The following COMT variants were observed in gnomAD, a reference collection of about 807,000 sequenced individuals.
COMT encodes catechol O-methyltransferase.
In COMT, 13 loss-of-function variants were observed where a neutral mutation model predicts 18.9. The observed-to-expected ratio is 0.69, with a 90% CI of 0.45 to 1.09. The LOEUF is 1.09. Ranked by LOEUF, COMT falls within the 50% of genes least tolerant of loss-of-function variation. The pLI, the probability that COMT is intolerant of heterozygous loss-of-function variation, is 0.00. For missense variants in COMT, 329 were observed against 361.8 expected, an observed-to-expected ratio of 0.91 and a Z score of 0.73; for synonymous variants, 150 against 160.9, an observed-to-expected ratio of 0.93 and a Z score of 0.51.
chr22:19,941,835 C>T lies in COMT; in HGVS notation c.-154C>T, dbSNP rs772548253. The T allele has an allele frequency of 1.4e-5, 21 of 1,495,536 alleles. No individual in the cohort carries two copies. In the East Asian group the frequency reaches 5.3e-4, roughly 38 times the overall value. 92.6% of individuals were successfully genotyped at this position (1,495,536 alleles called of 1,614,324 possible). On this transcript the variant is annotated 5_prime_UTR_variant, in exon 1 of 6. Transcript: ENST00000361682. ...GGGGCTTCTGGGGCAGCTAGGGCTG[C>T]CCGCCGCGCTGCCTGCGCCGGACCG... is the stretch of plus-strand genomic sequence containing the variant.
rs1241609732 is a variant in COMT, at chr22:19,952,658, AC to A, written c.-91-8540del. ...CGTCTCAAAACAAAACAAAACAACA[AC>A]AAAAAAAAAACAGCCGAGCGCAGTG... On this transcript the variant is annotated intron_variant, in intron 1 of 5. Coordinates refer to ENST00000361682, the MANE Select transcript of COMT (RefSeq NM_000754.4). Among the ~76,000 whole-genome samples, 13 of 143,196 alleles carry A rather than the reference AC, an allele frequency of 9.1e-5. No homozygotes were observed. In the East Asian group the frequency reaches 2.0e-3, roughly 22 times the overall value. The allele number at this position is 143,196 out of a possible 152,430, so 93.9% of individuals were successfully genotyped here.
chr22:19,950,138 T>C (rs1017746632), intron 1 of COMT, among the ~76,000 whole-genome samples: 2 of 152,036 alleles, frequency 1.3e-5, no homozygotes, highest in African/African-American at 4.8e-5. Flanking sequence ...GCCAATATAT[T>C]ATCAAACGCA....
intron 1 of COMT, among the ~76,000 whole-genome samples, chr22:19,951,819 C>T (rs1026547894): frequency 2.0e-5 from 3 of 152,208 alleles, no homozygotes; most frequent in Non-Finnish European, 4.4e-5. Context: ...GAGGGTTAGC[C>T]TTGGGAAACC....
intron 5 of COMT, chr22:19,967,477 A>G: frequency 2.3e-6 from 1 of 442,766 alleles, no homozygotes; most frequent in South Asian, 1.7e-5. Context: ...CTGTCCCCTG[A>G]CCTCACTGAC....
intron 5 of COMT, among the ~76,000 whole-genome samples, chr22:19,968,261 AT>A (rs1942532341): frequency 6.6e-6 from 1 of 152,140 alleles, no homozygotes; most frequent in Admixed American, 6.5e-5. Flanking sequence ...TGTGTGCCAC[AT>A]GCTGTTCTAA....
chr22:19,947,223 A>G (rs562797276), intron 1 of COMT, among the ~76,000 whole-genome samples: 7 of 151,460 alleles, frequency 4.6e-5, no homozygotes, highest in Admixed American at 1.3e-4. Flanking sequence ...GCCCTAAATA[A>G]CATTTTTTAT....
chr22:19,952,601 T>C (rs1463003701), intron 1 of COMT, among the ~76,000 whole-genome samples: 1 of 150,578 alleles, frequency 6.6e-6, no homozygotes, highest in Non-Finnish European at 1.5e-5. Context: ...ATTGCGCCAC[T>C]GCACTCTAGC....
chr22:19,964,204 C>A lies in COMT; in HGVS notation c.520C>A (p.Pro174Thr). 1 of 1,614,114 alleles carries A rather than the reference C, an allele frequency of 6.2e-7. No homozygotes were observed. The highest frequency in any genetic ancestry group is 8.5e-7 in the Non-Finnish European group (1 of 1,180,014). Residue 174 changes from proline (P) to threonine (T), a missense_variant, in exon 5 of 6, where the codon CCC (proline) becomes ACC (threonine). By Grantham distance (38) the Pro-to-Thr change is conservative (BLOSUM62 -1). Coordinates refer to ENST00000361682, the MANE Select transcript of COMT (RefSeq NM_000754.4). ...GGTTGGAGCGTCCCAGGACATCATC[C>A]CCCAGCTGAAGAAGAAGTATGATGT... ...LVVGASQDIIPQLKKKYDVDT... is the reference protein window; with the variant it reads ...LVVGASQDIITQLKKKYDVDT...
chr22:19,945,511 T>G (rs1941822259), intron 1 of COMT, among the ~76,000 whole-genome samples: 1 of 152,202 alleles, frequency 6.6e-6, no homozygotes, highest in Admixed American at 6.5e-5. Context: ...TCAATAACTA[T>G]ATTGCCATGA....
At chr22:19,952,385 A>G (rs181695834) in intron 1 of COMT, among the ~76,000 whole-genome samples, 380 of 152,186 alleles carry the variant, frequency 2.5e-3, no homozygotes, top group Middle Eastern at 0.017. Context: ...CATGCCTGTA[A>G]TCCCAGCACT....
At chr22:19,952,983 A>G (rs1941980202) in intron 1 of COMT, among the ~76,000 whole-genome samples, 1 of 119,368 alleles carries the variant, frequency 8.4e-6, no homozygotes, top group African/African-American at 3.0e-5. Context: ...TAAATAAATA[A>G]ATAAATAAAT....
At chr22:19,949,093 C>G (rs192340403) in intron 1 of COMT, among the ~76,000 whole-genome samples, 1 of 152,012 alleles carries the variant, frequency 6.6e-6, no homozygotes, top group Non-Finnish European at 1.5e-5. Flanking sequence ...GCCAGGAGTT[C>G]AAGACCAGCC....
At position 19,969,039 on chromosome 22, in the gene COMT, G is replaced by A. The variant is rs1044521483; in HGVS notation, c.*303G>A. The A allele has an allele frequency of 1.1e-5, 3 of 273,802 alleles. No individual in the cohort carries two copies. The highest frequency in any genetic ancestry group is 9.7e-5 in the Admixed American group (2 of 20,628). 17.0% of individuals were successfully genotyped at this position (273,802 alleles called of 1,614,324 possible). A position where few individuals can be genotyped will look rare whatever the true frequency, so the allele number is the denominator to read the frequency against. The stretch of plus-strand genomic sequence containing the variant: ...AAATATTTAGATATAACTCGACTTA[G>A]TACATCCTTCTCAACTGCCATTCCC... On this transcript the variant is annotated 3_prime_UTR_variant, in exon 6 of 6. Transcript: ENST00000361682.
In COMT at chr22:19,962,714, T is replaced by C. The variant is rs746764639; in HGVS notation, c.188T>C (p.Val63Ala). 67 of 1,613,592 alleles carry C rather than the reference T, an allele frequency of 4.2e-5. No homozygotes were observed. Among genetic ancestry groups the C allele is most frequent in the Non-Finnish European group, 5.5e-5 (65 of 1,179,994 alleles). The change falls in exon 3 of 6, where the codon GTG (valine) becomes GCG (alanine). Residue 63 changes from valine to alanine, a missense_variant. Coordinates refer to ENST00000361682, the MANE Select transcript of COMT (RefSeq NM_000754.4). ...AAGGAGCAGCGCATCCTGAACCACG[T>C]GCTGCAGCATGCGGAGCCCGGGAAC... is the stretch of plus-strand genomic sequence containing the variant. The part of the protein sequence containing the change: ...DTKEQRILNH[V>A]LQHAEPGNAQ...
In COMT at chr22:19,962,577, G is replaced by A. The variant is rs547048962; in HGVS notation, c.51G>A (p.Val17=). 3.8e-6 allele frequency: 6 copies of A among 1,572,310 alleles called. No individual in the cohort carries two copies. The South Asian group carries it at 5.8e-5, about 15-fold the overall frequency. ...LLLAAVLLGL[V]LLVVLLLLLR... Reference sequence around the variant, plus strand: ...TGGCAGCTGTGTTGCTGGGCCTGGTGCTGCTGGTGGTGCTGCTGCTGCTTC... The same window carrying A: ...TGGCAGCTGTGTTGCTGGGCCTGGTACTGCTGGTGGTGCTGCTGCTGCTTC... Residue 17 remains valine (V), a synonymous_variant, in exon 3 of 6, where the codon GTG becomes GTA. Transcript: ENST00000361682.
Position 19,968,670 on chromosome 22 carries a change from C to G in COMT, c.750C>G (p.Tyr250Ter). Residue 250 changes from tyrosine (Y) to a stop codon, truncating the protein, a stop_gained, in exon 6 of 6, where the codon TAC becomes TAG. Coordinates refer to ENST00000361682, the MANE Select transcript of COMT (RefSeq NM_000754.4). LOFTEE classifies it low-confidence loss of function (END_TRUNC). ...ECTHYQSFLE[Y>*]REVVDGLEKA... The stretch of plus-strand genomic sequence containing the variant: ...CACACTACCAATCGTTCCTGGAATA[C>G]AGGGAGGTGGTGGACGGCCTGGAGA... 2 of 1,613,986 alleles carry G rather than the reference C, an allele frequency of 1.2e-6. No individual in the cohort carries two copies. The highest frequency in any genetic ancestry group is 1.7e-6 in the Non-Finnish European group (2 of 1,180,004).
chr22:19,944,331 G>A (rs927963556), intron 1 of COMT, among the ~76,000 whole-genome samples: 2 of 152,150 alleles, frequency 1.3e-5, no homozygotes, highest in African/African-American at 2.4e-5. Flanking sequence ...CAAATCACCC[G>A]AGTCCAGAAG....
chr22:19,950,146 G>T (rs573980323), intron 1 of COMT, among the ~76,000 whole-genome samples: 1 of 150,120 alleles, frequency 6.7e-6, no homozygotes, highest in Non-Finnish European at 1.5e-5. Context: ...ATTATCAAAC[G>T]CAATTAACAA....
intron 5 of COMT, chr22:19,966,876 C>T: frequency 5.4e-6 from 5 of 929,988 alleles, no homozygotes; most frequent in Non-Finnish European, 6.4e-6. Context: ...GGAGGGTGGG[C>T]CAGATGAAAA....
Sources: allele counts gnomAD v4.1 joint callset (sites outside exome capture counted in the v4.1 genomes callset), GRCh38; gene constraint gnomAD v4.1.1; transcripts MANE v1.5; gene names NCBI Gene and HGNC (gene_info 2026-07-23, HGNC 2026-07-21).